PIK3R1: variants seen among roughly 807,000 people sequenced by gnomAD.
PIK3R1 encodes the protein phosphoinositide-3-kinase regulatory subunit 1, also known as phosphatidylinositol 3-kinase regulatory subunit alpha.
PIK3R1 carries 29 observed loss-of-function variants against 98.0 expected under a neutral mutation model. The observed-to-expected ratio is 0.30, with a 90% confidence interval of 0.22 to 0.40. The LOEUF (loss-of-function observed/expected upper bound fraction) is 0.40. Among genes scored for constraint, PIK3R1 ranks in the 10% least tolerant of loss-of-function variants. The pLI is 1.00. For synonymous variants in PIK3R1, 282 were observed against 311.8 expected, an observed-to-expected ratio of 0.90 and a Z score of 1.01; for missense variants, 596 against 872.7, an observed-to-expected ratio of 0.68 and a Z score of 3.99.
At position 68,301,705 on chromosome 5, in the gene PIK3R1, G is replaced by A. The variant is rs1482940624; in HGVS notation, c.*4104G>A. On this transcript the variant is annotated 3_prime_UTR_variant, in exon 16 of 16. Transcript: ENST00000521381. ...AACTGGGGTGGGGGGTGGGGGTAGT[G>A]TGCCTCCTTGACATTTCGTTCAAGT... The A allele has an allele frequency of 6.1e-6, 1 of 162,988 alleles. No individual in the cohort carries two copies. The highest frequency in any genetic ancestry group is 2.2e-4 in the South Asian group (1 of 4,618). The allele number at this position is 162,988 out of a possible 1,614,324, so 10.1% of individuals were successfully genotyped here. A position where few individuals can be genotyped will look rare whatever the true frequency, so the allele number is the denominator to read the frequency against.
chr5:68,290,809 G>A, intron 7 of PIK3R1: 1 of 1,612,444 alleles, frequency 6.2e-7, no homozygotes, highest in Non-Finnish European at 8.5e-7. Context: ...CAGACTTGAT[G>A]TTTTATATAG....
chr5:68,221,551 A>C (rs1206911442), intron 1 of PIK3R1, among the ~76,000 whole-genome samples: 2 of 152,194 alleles, frequency 1.3e-5, no homozygotes, highest in Admixed American at 6.5e-5. Context: ...ACTTGGATAT[A>C]TTCTTGATTA....
intron 2 of PIK3R1, among the ~76,000 whole-genome samples, chr5:68,259,098 C>T (rs831121): frequency 0.68 from 102,711 of 152,072 alleles, 35,105 homozygotes; most frequent in African/African-American, 0.77. Context: ...CTGCTCAGTG[C>T]AGGAGCCACC....
rs1747782919 is a variant in PIK3R1, at chr5:68,297,413, G to A, written c.1987G>A (p.Val663Met). The A allele has an allele frequency of 1.2e-6, 2 of 1,612,720 alleles. No homozygotes were observed. The highest frequency in any genetic ancestry group is 1.7e-6 in the Non-Finnish European group (2 of 1,179,152). The change falls in exon 16 of 16, where the codon GTG (valine) becomes ATG (methionine). Residue 663 changes from valine to methionine, a missense_variant and splice_region_variant. Around this residue, in one of 3 missense-constraint regions of PIK3R1, gnomAD observed 207 missense variants for 361.4 expected, o/e 0.57. Transcript: ENST00000521381. ...KQGCYACSVV[V>M]DGEVKHCVIN... ...CAGTTTTTCTTCTCTCCTCTCTAGGGTGGACGGCGAAGTAAAGCATTGTGT... is the reference window on the plus strand; with the variant it reads ...CAGTTTTTCTTCTCTCCTCTCTAGGATGGACGGCGAAGTAAAGCATTGTGT...
At chr5:68,260,059 A>T (rs1580213563) in intron 2 of PIK3R1, among the ~76,000 whole-genome samples, 1 of 152,230 alleles carries the variant, frequency 6.6e-6, no homozygotes, top group African/African-American at 2.4e-5. Flanking sequence ...GCAACGTAGC[A>T]TAGAGCCTGA....
chr5:68,248,983 A>G (rs533551191), intron 2 of PIK3R1, among the ~76,000 whole-genome samples: 1 of 152,350 alleles, frequency 6.6e-6, no homozygotes, highest in South Asian at 2.1e-4. Flanking sequence ...AGGCTAATAC[A>G]TAGTATTGCA....
At chr5:68,239,047 C>A (rs1217902336) in intron 2 of PIK3R1, among the ~76,000 whole-genome samples, 1 of 151,384 alleles carries the variant, frequency 6.6e-6, no homozygotes. Flanking sequence ...TAAGAACTTA[C>A]TGAGCTTCCT....
At chr5:68,289,869 C>A (rs939089240) in intron 7 of PIK3R1, among the ~76,000 whole-genome samples, 45 of 149,538 alleles carry the variant, frequency 3.0e-4, no homozygotes, top group African/African-American at 9.5e-4. Flanking sequence ...GATAAATATA[C>A]CTCCACTCTG....
At chr5:68,231,249 G>T (rs1410422078) in intron 2 of PIK3R1, among the ~76,000 whole-genome samples, 1 of 152,184 alleles carries the variant, frequency 6.6e-6, no homozygotes, top group Non-Finnish European at 1.5e-5. Flanking sequence ...GTTAGTTTGT[G>T]CAGTGCAGTG....
intron 2 of PIK3R1, among the ~76,000 whole-genome samples, chr5:68,256,807 A>G (rs1412640930): frequency 6.6e-6 from 1 of 152,142 alleles, no homozygotes; most frequent in Non-Finnish European, 1.5e-5. Context: ...AGTGCTCAAG[A>G]CAAGCCTCCT....
At chr5:68,219,354 G>A (rs1185214635) in intron 1 of PIK3R1, among the ~76,000 whole-genome samples, 2 of 152,194 alleles carry the variant, frequency 1.3e-5, no homozygotes, top group African/African-American at 4.8e-5. Context: ...ACAGGAGTCT[G>A]GCCACAGTGT....
chr5:68,296,327 T>C lies in PIK3R1; in HGVS notation c.1971T>C (p.Tyr657=), dbSNP rs515726151. The C allele has an allele frequency of 6.2e-7, 1 of 1,614,076 alleles. No individual in the cohort carries two copies. Among genetic ancestry groups the C allele is most frequent in the Non-Finnish European group, 8.5e-7 (1 of 1,179,944 alleles). ...LVRESSKQGC[Y]ACSVVVDGEV... ...GGGAGAGCAGTAAACAGGGCTGCTATGCCTGCTCTGTAGTGTATGTATCTC... is the reference window on the plus strand; with the variant it reads ...GGGAGAGCAGTAAACAGGGCTGCTACGCCTGCTCTGTAGTGTATGTATCTC... The change falls in exon 15 of 16, where the codon TAT becomes TAC. Residue 657 remains tyrosine, a synonymous_variant. Transcript: ENST00000521381.
chr5:68,223,325 A>T (rs1351113980), intron 1 of PIK3R1, among the ~76,000 whole-genome samples: 1 of 151,734 alleles, frequency 6.6e-6, no homozygotes, highest in Non-Finnish European at 1.5e-5. Flanking sequence ...TCTACATCTT[A>T]TCACCATGCT....
At position 68,299,489 on chromosome 5, in the gene PIK3R1, GTC is replaced by G. The variant is rs1000327442; in HGVS notation, c.*1894_*1895del. Reference sequence around the variant, plus strand: ...TTCCCATTTAGGGCAGGAGTGAGAGGTCTCTCTTCCTGATTTAGATATGCAAA... The same window carrying G: ...TTCCCATTTAGGGCAGGAGTGAGAGGTCTCTTCCTGATTTAGATATGCAAA... On this transcript the variant is annotated 3_prime_UTR_variant, in exon 16 of 16. Transcript: ENST00000521381. 14 of 233,204 alleles carry G rather than the reference GTC, an allele frequency of 6.0e-5. No homozygotes were observed. Among genetic ancestry groups the G allele is most frequent in the East Asian group, 5.4e-4 (9 of 16,586 alleles). 14.4% of individuals were successfully genotyped at this position (233,204 alleles called of 1,614,324 possible). A position where few individuals can be genotyped will look rare whatever the true frequency, so the allele number is the denominator to read the frequency against.
chr5:68,218,921 A>G (rs1472350042), intron 1 of PIK3R1, among the ~76,000 whole-genome samples: 1 of 152,208 alleles, frequency 6.6e-6, no homozygotes, highest in Non-Finnish European at 1.5e-5. Context: ...ATTAATTTTC[A>G]AAGTATTCAT....
rs78937705 is a variant in PIK3R1 at position 68,223,224 on chromosome 5, A to G, written c.-386-3066A>G. Among the ~76,000 whole-genome samples the G allele has an allele frequency of 3.8e-3, 572 of 152,196 alleles. 4 individuals are homozygous for G. Among genetic ancestry groups the G allele is most frequent in the African/African-American group, 0.013 (560 of 41,506 alleles). ...TTAACCCATTCAGTCCTCAAGAATG[A>G]CAGACGTCAAAATGGACATGGCAGT... is the stretch of plus-strand genomic sequence containing the variant. On this transcript the variant is annotated intron_variant, in intron 1 of 15. Transcript: ENST00000521381.
At chr5:68,296,843 G>A (rs771262884) in intron 15 of PIK3R1, among the ~76,000 whole-genome samples, 4 of 152,180 alleles carry the variant, frequency 2.6e-5, no homozygotes, top group African/African-American at 9.7e-5. Flanking sequence ...ATGTCCTCTA[G>A]TAGGGAATGG....
At chr5:68,285,792 T>A (rs774371920) in intron 7 of PIK3R1, among the ~76,000 whole-genome samples, 2 of 152,166 alleles carry the variant, frequency 1.3e-5, no homozygotes, top group South Asian at 4.1e-4. Context: ...CTGGGCTTAT[T>A]TATATACTTA....
Position 68,293,778 on chromosome 5 carries a change from C to A in PIK3R1, c.1369C>A (p.Gln457Lys), listed in dbSNP as rs2112263613. The change falls in exon 11 of 16, where the codon CAA (glutamine) becomes AAA (lysine). Residue 457 changes from glutamine to lysine, a missense_variant. By Grantham distance (53) the Gln-to-Lys change is moderately conservative. Transcript: ENST00000521381. ...KKLHEYNTQF[Q>K]EKSREYDRLY... ...ATTACATGAATATAACACTCAGTTT[C>A]AAGAAAAAAGTCGAGAATATGATAG... The A allele has an allele frequency of 6.4e-7, 1 of 1,571,004 alleles. No individual in the cohort carries two copies. Among genetic ancestry groups the A allele is most frequent in the South Asian group, 1.2e-5 (1 of 86,102 alleles).
Sources: gnomAD v4.1 joint callset for allele counts (sites outside exome capture counted in the v4.1 genomes callset) on GRCh38, gnomAD v4.1.1 for gene constraint, gnomAD v4.1.1 regional missense constraint, MANE v1.5 for transcripts, NCBI Gene and HGNC (gene_info 2026-07-23, HGNC 2026-07-21) for gene names.